Variants in PRSS36 observed in about 807,000 individuals in gnomAD.
PRSS36 encodes the protein serine protease 36, also known as polyserase-2.
Under a neutral mutation model 94.3 loss-of-function variants are expected in PRSS36, and 90 were observed. That is an observed-to-expected ratio of 0.95 (90% CI 0.80 to 1.14). The LOEUF (loss-of-function observed/expected upper bound fraction) is 1.14, where lower values mean the gene tolerates loss of function less well. PRSS36 is among the 50% of genes most tolerant of loss of function. PRSS36 has a pLI of 0.00. For missense variants in PRSS36, 1,158 were observed against 1,135.0 expected, an observed-to-expected ratio of 1.02 and a Z score of -0.29; for synonymous variants, 500 against 489.6, an observed-to-expected ratio of 1.02 and a Z score of -0.28.
chr16:31,145,738 C>A, intron 6 of PRSS36, 51 bp downstream of exon 6: 1 of 1,551,730 alleles, frequency 6.4e-7, no homozygotes, highest in Non-Finnish European at 8.7e-7. Flanking sequence ...ATCTATTTGT[C>A]ACTGGTTAGG....
rs764718844 is a variant in PRSS36, at chr16:31,149,159, C to CA, written c.185dup (p.Ser63GlufsTer180). ...TGTGGCCACCTCCATGGTGCAGGCT[C>CA]ACTTGCCAAGGCCAGGTGCCCGGCT... is the stretch of plus-strand genomic sequence containing the variant. On this transcript the variant is annotated frameshift_variant, in exon 4 of 15. Transcript: ENST00000268281. LOFTEE classifies it high-confidence loss of function. 2 of 1,576,914 alleles carry CA rather than the reference C, an allele frequency of 1.3e-6. No homozygotes were observed. The highest frequency in any genetic ancestry group is 1.7e-6 in the Non-Finnish European group (2 of 1,162,362).
At position 31,143,873 on chromosome 16, in the gene PRSS36, C is replaced by G. The variant is rs757447813; in HGVS notation, c.721-36G>C. On this transcript the variant is annotated intron_variant, in intron 6 of 14. Transcript: ENST00000268281. Reference sequence around the variant, plus strand: ...ATGACTGCATGTCAAGGGGTCAGCCCAGGGACCTACTCGAAAAGGTCCTGC... The same window carrying G: ...ATGACTGCATGTCAAGGGGTCAGCCGAGGGACCTACTCGAAAAGGTCCTGC... 6 of 1,609,846 alleles carry G rather than the reference C, an allele frequency of 3.7e-6. No homozygotes were observed. In the Admixed American group the frequency reaches 1.0e-4, roughly 27 times the overall value.
intron 12 of PRSS36, 151 bp downstream of exon 12, chr16:31,141,318 G>T: frequency 1.0e-6 from 1 of 1,001,612 alleles, no homozygotes; most frequent in Non-Finnish European, 1.5e-6. Context: ...GGCCAAGGCA[G>T]GAGGATTGCT....
intron 6 of PRSS36, among the ~76,000 whole-genome samples, chr16:31,145,061 T>C (rs1256550473): frequency 5.3e-5 from 8 of 151,126 alleles, no homozygotes; most frequent in Non-Finnish European, 7.4e-5. Context: ...TACTCTAGCC[T>C]GGGCAATAAG....
Position 31,142,867 on chromosome 16 carries a change from C to T in PRSS36, c.1227G>A (p.Ser409=). 1 of 1,560,842 alleles carries T rather than the reference C, an allele frequency of 6.4e-7. No individual in the cohort carries two copies. Among genetic ancestry groups the T allele is most frequent in the South Asian group, 1.2e-5 (1 of 84,788 alleles). The part of the protein sequence containing the change: ...QHENASWDNA[S]DLALLQLRTP... Reference sequence around the variant, plus strand: ...TGCGCAGCTGCAGCAGCGCCAGGTCCGAGGCGTTGTCCCACGAAGCGTTCT... The same window carrying T: ...TGCGCAGCTGCAGCAGCGCCAGGTCTGAGGCGTTGTCCCACGAAGCGTTCT... The change falls in exon 9 of 15, where the codon TCG becomes TCA. Residue 409 remains serine, a synonymous_variant. Coordinates refer to ENST00000268281, the MANE Select transcript of PRSS36 (RefSeq NM_173502.5).
intron 14 of PRSS36, among the ~76,000 whole-genome samples, chr16:31,139,883 A>G (rs2057655010): frequency 7.2e-6 from 1 of 139,022 alleles, no homozygotes; most frequent in Admixed American, 7.3e-5. Flanking sequence ...CAGTCTCAAA[A>G]AAAAAAAAAA....
At chr16:31,149,022 G>A (rs186483286) in intron 4 of PRSS36, 51 bp downstream of exon 4, 2 of 1,511,608 alleles carry the variant, frequency 1.3e-6, no homozygotes, top group Admixed American at 4.3e-5. Context: ...AACTGCGGGG[G>A]CGGGGGCCAG....
In PRSS36 at chr16:31,148,504, G is replaced by T. The variant is rs1231281376; in HGVS notation, c.444C>A (p.Pro148=). 6 of 1,580,984 alleles carry T rather than the reference G, an allele frequency of 3.8e-6. No homozygotes were observed. The highest frequency in any genetic ancestry group is 1.1e-5 in the South Asian group (1 of 89,092). The part of the protein sequence containing the change: ...ADLALLRLAS[P]ASLGPAVWPV... ...GCCACACGGCGGGGCCCAGGCTGGCGGGTGAGGCCAGGCGCAGCAGGGCCA... is the reference window on the plus strand; with the variant it reads ...GCCACACGGCGGGGCCCAGGCTGGCTGGTGAGGCCAGGCGCAGCAGGGCCA... The change falls in exon 5 of 15, where the codon CCC becomes CCA. Residue 148 remains proline (P), a synonymous_variant. Coordinates refer to ENST00000268281, the MANE Select transcript of PRSS36 (RefSeq NM_173502.5).
At position 31,149,150 on chromosome 16, in the gene PRSS36, G is replaced by C; in HGVS notation, c.195C>G (p.His65Gln). ...CCCCGCAGATGTGGCCACCTCCATG[G>C]TGCAGGCTCACTTGCCAAGGCCAGG... ...PGTWPWQVSLHHGGGHICGGS... is the reference protein window; with the variant it reads ...PGTWPWQVSLQHGGGHICGGS... The change falls in exon 4 of 15, where the codon CAC becomes CAG. Residue 65 changes from histidine to glutamine, a missense_variant. Coordinates refer to ENST00000268281, the MANE Select transcript of PRSS36 (RefSeq NM_173502.5). The C allele has an allele frequency of 1.3e-6, 2 of 1,578,874 alleles. No individual in the cohort carries two copies. The highest frequency in any genetic ancestry group is 1.7e-6 in the Non-Finnish European group (2 of 1,163,490).
chr16:31,143,031 G>T, intron 8 of PRSS36, 38 bp from the exon 9 acceptor site: 4 of 1,373,666 alleles, frequency 2.9e-6, no homozygotes, highest in Non-Finnish European at 3.7e-6. Flanking sequence ...GCCGGATCCC[G>T]CACACGTGGC....
At position 31,140,300 on chromosome 16, in the gene PRSS36, C is replaced by T. The variant is rs762447327; in HGVS notation, c.2283G>A (p.Arg761=). ...CVLYAEGQEN[R]CEMTSAPPLL... ...GACGCCCAGGCCCCTGTACCTCACA[C>T]CTGTTCTCCTGCCCCTCTGCATACA... Residue 761 remains arginine, a synonymous_variant, in exon 14 of 15, where the codon AGG becomes AGA. Transcript: ENST00000268281. The T allele has an allele frequency of 1.2e-6, 2 of 1,611,118 alleles. No homozygotes were observed. Among genetic ancestry groups the T allele is most frequent in the East Asian group, 2.2e-5 (1 of 44,860 alleles).
At chr16:31,149,873 T>A (rs2057872019) in intron 1 of PRSS36, 126 bp downstream of exon 1, 1 of 1,523,192 alleles carries the variant, frequency 6.6e-7, no homozygotes, top group African/African-American at 1.4e-5. Context: ...CATCCTCGCC[T>A]TCTGCTGCCT....
At chr16:31,149,597 C>T (rs935197802) in intron 2 of PRSS36, 99 bp from the exon 3 acceptor site, 1 of 1,607,106 alleles carries the variant, frequency 6.2e-7, no homozygotes, top group African/African-American at 1.3e-5. Flanking sequence ...CCTATCTTCC[C>T]ACTTCCCTGT....
At chr16:31,146,011 C>A in intron 5 of PRSS36, 56 bp from the exon 6 acceptor site, 1 of 1,533,660 alleles carries the variant, frequency 6.5e-7, no homozygotes, top group Non-Finnish European at 8.8e-7. Context: ...TCCCCAGTTC[C>A]CAGGGTTCAG....
At chr16:31,146,856 C>T (rs2057805568) in intron 5 of PRSS36, among the ~76,000 whole-genome samples, 1 of 152,136 alleles carries the variant, frequency 6.6e-6, no homozygotes, top group Non-Finnish European at 1.5e-5. Context: ...TGGTGGGTGC[C>T]TATAATCCCA....
chr16:31,148,549 TTG>T lies in PRSS36; in HGVS notation c.397_398del (p.Gln133SerfsTer109). ...AAIVVPANYSQVELGADLALL... is the reference protein window; with the variant it reads ...AAIVVPANYSXVELGADLALL... The stretch of plus-strand genomic sequence containing the variant: ...GGGCCAGGTCGGCGCCCAGCTCCAC[TTG>T]GCTGTAGTTGGCCGGCACCACGATG... On this transcript the variant is annotated frameshift_variant, in exon 5 of 15. Transcript: ENST00000268281. LOFTEE classifies it high-confidence loss of function. 1.9e-6 allele frequency: 3 copies of T among 1,606,316 alleles called. No homozygotes were observed. Among genetic ancestry groups the T allele is most frequent in the Middle Eastern group, 1.8e-4 (1 of 5,546 alleles).
At chr16:31,147,099 G>A (rs1729029841) in intron 5 of PRSS36, among the ~76,000 whole-genome samples, 3 of 152,152 alleles carry the variant, frequency 2.0e-5, no homozygotes, top group Admixed American at 2.0e-4. Flanking sequence ...CCCTGGAGCT[G>A]GTGGGGTGCT....
chr16:31,142,513 A>T lies in PRSS36; in HGVS notation c.1489T>A (p.Tyr497Asn), dbSNP rs1243976255. ...GDPPHALCPAYQEKEEVGSCW... is the reference protein window; with the variant it reads ...GDPPHALCPANQEKEEVGSCW... Reference sequence around the variant, plus strand: ...CTGCCCACCTCCTCCTTTTCCTGGTAGGCAGGGCAGAGCGCGTGCGGCGGG... The same window carrying T: ...CTGCCCACCTCCTCCTTTTCCTGGTTGGCAGGGCAGAGCGCGTGCGGCGGG... Residue 497 changes from tyrosine (Y) to asparagine (N), a missense_variant, in exon 10 of 15, where the codon TAC becomes AAC. Transcript: ENST00000268281. The T allele has an allele frequency of 6.6e-7, 1 of 1,510,170 alleles. No individual in the cohort carries two copies. The highest frequency in any genetic ancestry group is 2.1e-5 in the Admixed American group (1 of 47,634). 93.5% of individuals were successfully genotyped at this position (1,510,170 alleles called of 1,614,324 possible). A position where few individuals can be genotyped will look rare whatever the true frequency, so the allele number is the denominator to read the frequency against.
chr16:31,139,106 G>C lies in PRSS36; in HGVS notation c.*32C>G, dbSNP rs1175575748. On this transcript the variant is annotated 3_prime_UTR_variant, in exon 15 of 15. Coordinates refer to ENST00000268281, the MANE Select transcript of PRSS36 (RefSeq NM_173502.5). ...CACTGGGCGGGAAGTAGAGGGTGGA[G>C]AAGGGGGAAGTGGTGCTGGGACCCT... 2.0e-6 allele frequency: 3 copies of C among 1,516,472 alleles called. No individual in the cohort carries two copies. The East Asian group carries it at 7.0e-5, about 35-fold the overall frequency. 93.9% of individuals were successfully genotyped at this position (1,516,472 alleles called of 1,614,324 possible). A position where few individuals can be genotyped will look rare whatever the true frequency, so the allele number is the denominator to read the frequency against.
Sources: allele counts gnomAD v4.1 joint callset (sites outside exome capture counted in the v4.1 genomes callset), GRCh38; gene constraint gnomAD v4.1.1; transcripts MANE v1.5; gene names NCBI Gene and HGNC (gene_info 2026-07-23, HGNC 2026-07-21).